TTC1: variants seen among roughly 807,000 people sequenced by gnomAD.
TTC1 encodes tetratricopeptide repeat protein 1.
In TTC1, 31 loss-of-function variants were observed where a neutral mutation model predicts 37.6. That is an observed-to-expected ratio of 0.82 (90% confidence interval 0.62 to 1.11). The LOEUF (loss-of-function observed/expected upper bound fraction) is 1.11, where lower values mean the gene tolerates loss of function less well. Ranked by LOEUF, TTC1 falls within the 50% of genes most tolerant of loss-of-function variation. The pLI is 0.00. For missense variants in TTC1, 351 were observed against 339.0 expected (o/e 1.04, Z -0.28); for synonymous variants, 127 against 122.4 (o/e 1.04, Z -0.25).
intron 2 of TTC1, 150 bp from the exon 3 acceptor site, chr5:160,034,990 T>C: frequency 1.9e-6 from 1 of 516,440 alleles, no homozygotes. Context: ...TTTTTTCCTC[T>C]ATCACTGTAC....
chr5:160,018,438 C>G (rs1344264501), intron 2 of TTC1, among the ~76,000 whole-genome samples: 1 of 152,118 alleles, frequency 6.6e-6, no homozygotes, highest in African/African-American at 2.4e-5. Flanking sequence ...CTGGGAGCAG[C>G]CAAATGTGTG....
At chr5:160,014,737 A>C (rs1756570949) in intron 2 of TTC1, among the ~76,000 whole-genome samples, 1 of 152,090 alleles carries the variant, frequency 6.6e-6, no homozygotes, top group Non-Finnish European at 1.5e-5. Flanking sequence ...AAATCGTCAC[A>C]TGTGGCTAGT....
chr5:160,019,489 G>GTT, intron 2 of TTC1, among the ~76,000 whole-genome samples: 1 of 150,728 alleles, frequency 6.6e-6, no homozygotes, highest in South Asian at 2.1e-4. Flanking sequence ...CTTCCAAAAA[G>GTT]TTCTCAGTAA....
chr5:160,038,356 A>G (rs552105304), intron 4 of TTC1, among the ~76,000 whole-genome samples: 6 of 152,300 alleles, frequency 3.9e-5, no homozygotes, highest in Non-Finnish European at 8.8e-5. Context: ...CCACATTTTT[A>G]GACTGGACAT....
chr5:160,037,465 C>G (rs1040894262), intron 4 of TTC1, among the ~76,000 whole-genome samples: 25 of 152,168 alleles, frequency 1.6e-4, no homozygotes, highest in Non-Finnish European at 2.9e-4. Context: ...CCCGTAAACC[C>G]AGCACTATGG....
chr5:160,064,353 T>C (rs1753534705), intron 7 of TTC1, among the ~76,000 whole-genome samples: 1 of 152,196 alleles, frequency 6.6e-6, no homozygotes, highest in Non-Finnish European at 1.5e-5. Context: ...GAGGTTGCTG[T>C]GCAAATCAAG....
Position 160,065,478 on chromosome 5 carries a change from C to T in TTC1, c.*413C>T, listed in dbSNP as rs1804606. ...GCCTGCTGTCCCCTCCCTGATCACA[C>T]AGCTAACGAGGCTGCCTCCAGCATT... On this transcript the variant is annotated 3_prime_UTR_variant, in exon 8 of 8. Transcript: ENST00000231238. The T allele has an allele frequency of 1.8e-5, 8 of 451,394 alleles. No individual in the cohort carries two copies. In the East Asian group the frequency reaches 5.5e-4, roughly 31 times the overall value. 28.0% of individuals were successfully genotyped at this position (451,394 alleles called of 1,614,324 possible).
At chr5:160,010,257 CAAAAAAAAA>C (rs397882520) in intron 1 of TTC1, among the ~76,000 whole-genome samples, 2 of 50,320 alleles carry the variant, frequency 4.0e-5, no homozygotes, top group African/African-American at 1.6e-4. Context: ...GATTAAGTCT[CAAAAAAAAA>C]AAAAAAAAAA....
chr5:160,024,127 G>A (rs1056246503), intron 2 of TTC1: 2 of 665,906 alleles, frequency 3.0e-6, no homozygotes, highest in East Asian at 2.7e-5. Context: ...ATAGCACAGT[G>A]CCTACACATT....
chr5:160,036,608 A>G, intron 3 of TTC1, 83 bp from the exon 4 acceptor site: 2 of 937,208 alleles, frequency 2.1e-6, no homozygotes, highest in South Asian at 2.7e-5. Context: ...ATGAATGGAA[A>G]ACAGTGCTTC....
In TTC1 at chr5:160,010,751, G is replaced by A. The variant is rs1405084447; in HGVS notation, c.223G>A (p.Gly75Arg). The change falls in exon 2 of 8, where the codon GGA becomes AGA. Residue 75 changes from glycine (G) to arginine (R), a missense_variant. Gly to Arg is a moderately radical substitution (Grantham distance 125). Transcript: ENST00000231238. ...DCSASFEEEP[G>R]ADKVENKSNE... ...CAGTGCCTCATTTGAGGAGGAGCCA[G>A]GAGCGGACAAGGTTGAGAACAAATC... 6.2e-7 allele frequency: 1 copy of A among 1,614,158 alleles called. No individual in the cohort carries two copies.
At chr5:160,056,141 A>G (rs748521822) in intron 7 of TTC1, among the ~76,000 whole-genome samples, 3 of 152,202 alleles carry the variant, frequency 2.0e-5, no homozygotes, top group Non-Finnish European at 4.4e-5. Context: ...CAGTTACTTG[A>G]AACTTATCTA....
chr5:160,043,301 A>G, intron 5 of TTC1, 132 bp downstream of exon 5: 1 of 751,116 alleles, frequency 1.3e-6, no homozygotes, highest in African/African-American at 1.8e-5. Context: ...CTTTATAATT[A>G]TTTTCAAAGA....
At chr5:160,051,680 G>C (rs1757408578) in intron 7 of TTC1, among the ~76,000 whole-genome samples, 1 of 152,242 alleles carries the variant, frequency 6.6e-6, no homozygotes, top group African/African-American at 2.4e-5. Context: ...TGGGGGTAGG[G>C]GTAGGGCAAA....
chr5:160,013,785 C>T (rs192080241), intron 2 of TTC1, among the ~76,000 whole-genome samples: 1 of 151,520 alleles, frequency 6.6e-6, no homozygotes, highest in African/African-American at 2.4e-5. Context: ...TATGTCTCAT[C>T]TATCAGATCA....
intron 2 of TTC1, among the ~76,000 whole-genome samples, chr5:160,034,250 G>T (rs1425635540): frequency 2.7e-5 from 4 of 150,154 alleles, no homozygotes; most frequent in African/African-American, 9.8e-5. Flanking sequence ...GGTTTGGCTT[G>T]TGCCAGTTAT....
At position 160,010,784 on chromosome 5, in the gene TTC1, G is replaced by C. The variant is rs758754532; in HGVS notation, c.256G>C (p.Asp86His). The C allele has an allele frequency of 1.9e-6, 3 of 1,614,166 alleles. No individual in the cohort carries two copies. Among genetic ancestry groups the C allele is most frequent in the Admixed American group, 3.3e-5 (2 of 60,014 alleles). Reference sequence around the variant, plus strand: ...CAAGGTTGAGAACAAATCTAATGAAGATGTGAATTCCTCTGAACTAGATGA... The same window carrying C: ...CAAGGTTGAGAACAAATCTAATGAACATGTGAATTCCTCTGAACTAGATGA... Reference protein sequence around the residue: ...ADKVENKSNEDVNSSELDEEY... With the variant: ...ADKVENKSNEHVNSSELDEEY... The change falls in exon 2 of 8, where the codon GAT becomes CAT. Residue 86 changes from aspartate to histidine, a missense_variant. Transcript: ENST00000231238.
chr5:160,041,633 C>T (rs1360889972), intron 4 of TTC1, among the ~76,000 whole-genome samples: 3 of 152,008 alleles, frequency 2.0e-5, no homozygotes, highest in East Asian at 3.9e-4. Flanking sequence ...TTTCACATGA[C>T]TTGCAGTGCA....
chr5:160,024,356 CA>C (rs1357017784), intron 2 of TTC1, among the ~76,000 whole-genome samples: 9 of 152,178 alleles, frequency 5.9e-5, no homozygotes, highest in Non-Finnish European at 8.8e-5. Flanking sequence ...GTGCAGTTAT[CA>C]AAACCAGGAA....
Sources: allele counts gnomAD v4.1 joint callset (sites outside exome capture counted in the v4.1 genomes callset), GRCh38; gene constraint gnomAD v4.1.1; transcripts MANE v1.5; gene names NCBI Gene and HGNC (gene_info 2026-07-23, HGNC 2026-07-21).